CTNNA3: variants seen among roughly 807,000 people sequenced by gnomAD.
CTNNA3 encodes catenin alpha-3.
A neutral mutation model predicts 95.7 loss-of-function variants in CTNNA3; 76 were observed. That is an observed-to-expected ratio of 0.79 (90% CI 0.66 to 0.96). The LOEUF is 0.96. Among genes scored for constraint, CTNNA3 ranks in the 40% least tolerant of loss-of-function variants. The pLI, the probability that CTNNA3 is intolerant of heterozygous loss-of-function variation, is 0.00. For missense variants in CTNNA3, 1,191 were observed against 1,089.8 expected, an observed-to-expected ratio of 1.09 and a Z score of -1.31; for synonymous variants, 431 against 374.4, an observed-to-expected ratio of 1.15 and a Z score of -1.74.
chr10:66,504,136 A>C (rs190928306), intron 11 of CTNNA3, among the ~76,000 whole-genome samples: 69 of 152,214 alleles, frequency 4.5e-4, no homozygotes, highest in African/African-American at 1.6e-3. Context: ...TTGTTGTATA[A>C]TAGATCTCTT....
At chr10:67,295,487 G>A (rs1208770547) in intron 5 of CTNNA3, among the ~76,000 whole-genome samples, 2 of 152,334 alleles carry the variant, frequency 1.3e-5, no homozygotes, top group Non-Finnish European at 2.9e-5. Context: ...AATCATATGG[G>A]AAGTTAGGTC....
At chr10:67,514,391 C>G (rs926040070) in intron 5 of CTNNA3, among the ~76,000 whole-genome samples, 2 of 152,164 alleles carry the variant, frequency 1.3e-5, no homozygotes, top group Admixed American at 6.5e-5. Flanking sequence ...AGCATAGCCT[C>G]TGTAATTTGC....
intron 12 of CTNNA3, among the ~76,000 whole-genome samples, chr10:66,339,504 A>G (rs1274314287): frequency 1.3e-5 from 2 of 151,828 alleles, no homozygotes; most frequent in Non-Finnish European, 3.0e-5. Context: ...AAAGAGAAAT[A>G]AACAATTATA....
At chr10:66,342,791 A>G (rs2092466813) in intron 12 of CTNNA3, among the ~76,000 whole-genome samples, 1 of 152,080 alleles carries the variant, frequency 6.6e-6, no homozygotes, top group South Asian at 2.1e-4. Context: ...CTCTTCTTCA[A>G]TATTCTGAAT....
chr10:66,961,793 T>C (rs1849120734), intron 7 of CTNNA3, among the ~76,000 whole-genome samples: 2 of 152,140 alleles, frequency 1.3e-5, no homozygotes, highest in Admixed American at 6.6e-5. Context: ...ACTTAATACA[T>C]GCAAAGTGAC....
At chr10:66,431,640 G>C (rs374975137) in intron 11 of CTNNA3, among the ~76,000 whole-genome samples, 12 of 150,960 alleles carry the variant, frequency 7.9e-5, no homozygotes, top group African/African-American at 2.7e-4. Flanking sequence ...GCAAACTGTC[G>C]CAAGGACAAA....
chr10:66,414,605 A>C (rs2093132199), intron 11 of CTNNA3, among the ~76,000 whole-genome samples: 1 of 152,162 alleles, frequency 6.6e-6, no homozygotes, highest in Non-Finnish European at 1.5e-5. Flanking sequence ...GGTCCTTCAC[A>C]TTCCTTGTGA....
chr10:66,802,860 C>T (rs752955991), intron 7 of CTNNA3, among the ~76,000 whole-genome samples: 12 of 151,828 alleles, frequency 7.9e-5, no homozygotes, highest in Non-Finnish European at 1.3e-4. Context: ...ATCTTTTTCT[C>T]AATGAGAGAA....
chr10:66,387,767 A>G (rs2092904725), intron 11 of CTNNA3, among the ~76,000 whole-genome samples: 1 of 152,198 alleles, frequency 6.6e-6, no homozygotes, highest in Non-Finnish European at 1.5e-5. Context: ...ATGCAGCCAT[A>G]AAACAGGATG....
chr10:66,436,501 CTTTTTTTTTTTTTTTTT>C (rs34165061), intron 11 of CTNNA3, among the ~76,000 whole-genome samples: 4 of 60,364 alleles, frequency 6.6e-5, no homozygotes, highest in Admixed American at 4.0e-4. Context: ...ACAATCCCTG[CTTTTTTTTTTTTTTTTT>C]TTTTTTTTGC....
chr10:66,686,484 A>AT (rs1161798587), intron 9 of CTNNA3, among the ~76,000 whole-genome samples: 2 of 152,086 alleles, frequency 1.3e-5, no homozygotes, highest in Non-Finnish European at 2.9e-5. Flanking sequence ...ATTTTTTCCC[A>AT]TTTTCAAATT....
At chr10:67,030,992 G>A (rs567734582) in intron 7 of CTNNA3, among the ~76,000 whole-genome samples, 11 of 152,134 alleles carry the variant, frequency 7.2e-5, no homozygotes, top group South Asian at 2.1e-4. Context: ...CAACAAGAGC[G>A]AAACTCCGTC....
At chr10:67,033,401 G>C (rs1383378277) in intron 7 of CTNNA3, among the ~76,000 whole-genome samples, 3 of 152,010 alleles carry the variant, frequency 2.0e-5, no homozygotes, top group Admixed American at 2.0e-4. Flanking sequence ...CAATTTTTGA[G>C]GAAATTTTTG....
chr10:66,523,051 A>C (rs1000081148), intron 10 of CTNNA3, among the ~76,000 whole-genome samples: 2 of 152,166 alleles, frequency 1.3e-5, no homozygotes, highest in Admixed American at 1.3e-4. Flanking sequence ...GGAACATATT[A>C]AATTTTAAGG....
chr10:66,024,085 A>ATTTTTTTTTTTTTTTTTTGTTTTTT (rs2079283758), intron 15 of CTNNA3, among the ~76,000 whole-genome samples: 1 of 87,750 alleles, frequency 1.1e-5, no homozygotes, highest in Non-Finnish European at 2.1e-5. Flanking sequence ...TACCATACAC[A>ATTTTTTTTTTTTTTTTTTGTTTTTT]TTTTTTTTTT....
At position 66,385,429 on chromosome 10, in the gene CTNNA3, T is replaced by A. The variant is rs191232024; in HGVS notation, c.1532-6077A>T. ...CTCTGAATAGATCAATAACAGGCTC[T>A]GAAATTGAGGCAAAAATTAATAGGC... is the stretch of plus-strand genomic sequence containing the variant. On this transcript the variant is annotated intron_variant, in intron 11 of 17. Transcript: ENST00000433211. Among the ~76,000 whole-genome samples, 820 of 152,218 alleles carry A rather than the reference T, an allele frequency of 5.4e-3. 9 individuals are homozygous for A. Among genetic ancestry groups the A allele is most frequent in the African/African-American group, 0.014 (572 of 41,532 alleles).
At chr10:66,980,492 CTAT>C (rs1850357908) in intron 7 of CTNNA3, among the ~76,000 whole-genome samples, 3 of 128,322 alleles carry the variant, frequency 2.3e-5, no homozygotes, top group Non-Finnish European at 5.1e-5. Context: ...GGAACCAAAA[CTAT>C]TGAGACCTTC....
At chr10:66,899,316 TA>T (rs1845624801) in intron 7 of CTNNA3, among the ~76,000 whole-genome samples, 2 of 152,122 alleles carry the variant, frequency 1.3e-5, no homozygotes, top group Admixed American at 1.3e-4. Flanking sequence ...CCTCAAAAAA[TA>T]AAAACAGAAT....
intron 5 of CTNNA3, among the ~76,000 whole-genome samples, chr10:67,261,188 A>C (rs1866593389): frequency 6.6e-6 from 1 of 152,102 alleles, no homozygotes; most frequent in Non-Finnish European, 1.5e-5. Context: ...TATGCATACA[A>C]ACACAGTTTA....
Sources: gnomAD v4.1 joint callset for allele counts (sites outside exome capture counted in the v4.1 genomes callset) on GRCh38, gnomAD v4.1.1 for gene constraint, MANE v1.5 for transcripts, NCBI Gene and HGNC (gene_info 2026-07-23, HGNC 2026-07-21) for gene names.